Variants in GPHN observed in about 807,000 individuals in gnomAD.
GPHN encodes gephyrin.
A neutral mutation model predicts 95.5 loss-of-function variants in GPHN; 17 were observed. The ratio of observed to expected loss-of-function variants is 0.18; its 90% CI spans 0.12 to 0.27. GPHN has a LOEUF of 0.27. Ranked by LOEUF, GPHN falls within the 10% of genes least tolerant of loss-of-function variation. GPHN has a pLI of 1.00. For missense variants in GPHN, 660 were observed against 978.1 expected, an observed-to-expected ratio of 0.67 and a Z score of 4.34; for synonymous variants, 320 against 322.5, an observed-to-expected ratio of 0.99 and a Z score of 0.08.
At chr14:67,561,905 T>C in the GPHN span, 1 of 1,264,172 alleles carries the variant, frequency 7.9e-7, no homozygotes, top group South Asian at 1.2e-5. Flanking sequence ...AAAATACATC[T>C]AAACCTGTAG....
At chr14:67,038,405 A>G (rs2074536442) in intron 10 of GPHN, among the ~76,000 whole-genome samples, 1 of 152,154 alleles carries the variant, frequency 6.6e-6, no homozygotes, top group Non-Finnish European at 1.5e-5. Context: ...TAATTCTGTT[A>G]AATTTTTTAA....
chr14:67,205,579 AAGTG>A, the GPHN span, among the ~76,000 whole-genome samples: 1 of 152,190 alleles, frequency 6.6e-6, no homozygotes, highest in East Asian at 1.9e-4. Context: ...AAACAAAACA[AAGTG>A]AGTGGCTTTA....
At chr14:66,884,609 T>C (rs975878420) in intron 5 of GPHN, among the ~76,000 whole-genome samples, 7 of 151,938 alleles carry the variant, frequency 4.6e-5, no homozygotes, top group Admixed American at 2.6e-4. Context: ...TACTCTTTTT[T>C]CCCCCTAAAT....
chr14:67,123,146 A>G (rs2079105210), intron 17 of GPHN, among the ~76,000 whole-genome samples: 1 of 152,230 alleles, frequency 6.6e-6, no homozygotes, highest in Non-Finnish European at 1.5e-5. Context: ...TCAGAGACAG[A>G]TCTGAGTGAT....
At chr14:66,681,208 T>G (rs1486342968) in intron 2 of GPHN, 23 bp downstream of exon 2, 1 of 1,363,056 alleles carries the variant, frequency 7.3e-7, no homozygotes, top group Admixed American at 1.7e-5. Context: ...CTTTCAGTAT[T>G]AAGTATAAAT....
the GPHN span, among the ~76,000 whole-genome samples, chr14:67,263,776 T>C: frequency 1.3e-5 from 2 of 152,238 alleles, no homozygotes; most frequent in Non-Finnish European, 2.9e-5. Flanking sequence ...GTTGGCACTG[T>C]GCCTAGCAAG....
chr14:67,187,807 C>T, the GPHN span, among the ~76,000 whole-genome samples: 3 of 152,178 alleles, frequency 2.0e-5, no homozygotes, highest in Non-Finnish European at 4.4e-5. Context: ...ATATTAGCTC[C>T]TCCATGAAAC....
intron 5 of GPHN, among the ~76,000 whole-genome samples, chr14:66,893,755 C>T (rs2064660003): frequency 6.6e-6 from 1 of 152,124 alleles, no homozygotes; most frequent in African/African-American, 2.4e-5. Flanking sequence ...AGTGAACTCC[C>T]ATTCACAAAT....
the GPHN span, among the ~76,000 whole-genome samples, chr14:67,231,387 C>T: frequency 6.6e-6 from 1 of 152,028 alleles, no homozygotes; most frequent in Non-Finnish European, 1.5e-5. Flanking sequence ...ACCTCATACT[C>T]CTGGGCTCAA....
chr14:66,713,713 A>G (rs770895126), intron 2 of GPHN, among the ~76,000 whole-genome samples: 11 of 148,802 alleles, frequency 7.4e-5, no homozygotes, highest in Non-Finnish European at 1.2e-4. Context: ...GAATTTGTAG[A>G]TTGCTTTTGG....
At chr14:67,658,137 G>C in the GPHN span, among the ~76,000 whole-genome samples, 8 of 152,294 alleles carry the variant, frequency 5.3e-5, no homozygotes, top group South Asian at 1.7e-3. Flanking sequence ...AGTTAGGTTA[G>C]CGCAAAGGAA....
At chr14:67,337,885 A>G in the GPHN span, 1 of 152,256 alleles carries the variant, frequency 6.6e-6, no homozygotes, top group African/African-American at 2.4e-5. Context: ...CTCATCGGCA[A>G]TCATTTATTA....
intron 9 of GPHN, among the ~76,000 whole-genome samples, chr14:67,013,543 A>C (rs935776099): frequency 9.2e-5 from 14 of 152,094 alleles, no homozygotes; most frequent in African/African-American, 3.1e-4. Flanking sequence ...TAGCTGTAAT[A>C]CTAGGCATCA....
At chr14:67,169,134 T>TTAA (rs768524070) in intron 21 of GPHN, 98 bp downstream of exon 21, 23 of 790,292 alleles carry the variant, frequency 2.9e-5, no homozygotes, top group Non-Finnish European at 4.0e-5. Flanking sequence ...GAGTTTTCTA[T>TTAA]TAGTTTTGAT....
At chr14:66,631,666 A>G (rs1198266355) in intron 1 of GPHN, among the ~76,000 whole-genome samples, 2 of 152,158 alleles carry the variant, frequency 1.3e-5, no homozygotes, top group African/African-American at 2.4e-5. Context: ...CAACAACTAG[A>G]CTAGGTCTGT....
At chr14:67,225,187 C>T in the GPHN span, 1 of 1,569,388 alleles carries the variant, frequency 6.4e-7, no homozygotes, top group Non-Finnish European at 8.6e-7. Flanking sequence ...GCCCCTTTCT[C>T]AAGGGAATGA....
the GPHN span, among the ~76,000 whole-genome samples, chr14:67,438,225 C>T: frequency 6.6e-6 from 1 of 152,164 alleles, no homozygotes; most frequent in Admixed American, 6.5e-5. Context: ...AATGTCTTTT[C>T]CAGTGCCCTG....
intron 8 of GPHN, among the ~76,000 whole-genome samples, chr14:66,929,954 G>T (rs901876376): frequency 3.6e-4 from 54 of 151,934 alleles, no homozygotes; most frequent in African/African-American, 1.2e-3. Context: ...CACATGATCC[G>T]CCCGCCTCGG....
At chr14:66,959,572 A>G (rs866322302) in intron 8 of GPHN, among the ~76,000 whole-genome samples, 1 of 152,064 alleles carries the variant, frequency 6.6e-6, no homozygotes, top group Non-Finnish European at 1.5e-5. Flanking sequence ...TCATCTTTCA[A>G]CATTTTGACC....
Sources: allele counts gnomAD v4.1 joint callset (sites outside exome capture counted in the v4.1 genomes callset), GRCh38; gene constraint gnomAD v4.1.1; transcripts MANE v1.5; gene names NCBI Gene and HGNC (gene_info 2026-07-23, HGNC 2026-07-21).